TXNDC16: variants seen among roughly 807,000 people sequenced by gnomAD.
TXNDC16 encodes thioredoxin domain-containing protein 16.
In TXNDC16, 74 loss-of-function variants were observed where a neutral mutation model predicts 85.6. That is an observed-to-expected ratio of 0.86 (90% confidence interval 0.72 to 1.05). The LOEUF (loss-of-function observed/expected upper bound fraction) is 1.05. TXNDC16 is among the 50% of genes least tolerant of loss of function. The pLI is 0.00. For missense variants in TXNDC16, 959 were observed against 947.0 expected, an observed-to-expected ratio of 1.01 and a Z score of -0.17; for synonymous variants, 335 against 326.5, an observed-to-expected ratio of 1.03 and a Z score of -0.28.
At chr14:52,455,854 G>T (rs919155854) in intron 17 of TXNDC16, among the ~76,000 whole-genome samples, 2 of 152,222 alleles carry the variant, frequency 1.3e-5, no homozygotes, top group African/African-American at 4.8e-5. Context: ...CACTATACTA[G>T]GTATTTCAAT....
intron 9 of TXNDC16, among the ~76,000 whole-genome samples, chr14:52,500,055 G>C (rs1207743673): frequency 1.3e-5 from 2 of 151,978 alleles, no homozygotes; most frequent in Non-Finnish European, 2.9e-5. Flanking sequence ...TGAGTATATG[G>C]AGGTTCTTCA....
intron 9 of TXNDC16, among the ~76,000 whole-genome samples, chr14:52,505,696 G>A (rs563183142): frequency 6.6e-6 from 1 of 152,248 alleles, no homozygotes; most frequent in Admixed American, 6.5e-5. Context: ...GCTACCAGAA[G>A]GCAAGAAATA....
chr14:52,500,150 A>C (rs1410450464), intron 9 of TXNDC16, among the ~76,000 whole-genome samples: 1 of 152,178 alleles, frequency 6.6e-6, no homozygotes, highest in East Asian at 1.9e-4. Context: ...GATCTCAGAG[A>C]ATACCCATGT....
In TXNDC16 at chr14:52,431,942, G is replaced by A. The variant is rs749002417; in HGVS notation, c.*362C>T. On this transcript the variant is annotated 3_prime_UTR_variant, in exon 21 of 21. Coordinates refer to ENST00000281741, the MANE Select transcript of TXNDC16 (RefSeq NM_020784.3). ...CCAATACAGTAGTCACAGGCCACAT[G>A]TGGCAAGGAACACTTGAAATATGGC... The A allele has an allele frequency of 1.0e-4, 19 of 182,138 alleles. No homozygotes were observed. Among genetic ancestry groups the A allele is most frequent in the Admixed American group, 1.8e-4 (3 of 16,580 alleles). 11.3% of individuals were successfully genotyped at this position (182,138 alleles called of 1,614,324 possible).
intron 4 of TXNDC16, 33 bp from the exon 5 acceptor site, chr14:52,537,705 A>C: frequency 7.8e-7 from 1 of 1,284,350 alleles, no homozygotes; most frequent in South Asian, 1.2e-5. Context: ...TTTAGCATAT[A>C]TATCAAAAGG....
chr14:52,466,789 C>A (rs971113253), intron 16 of TXNDC16, among the ~76,000 whole-genome samples: 2 of 152,082 alleles, frequency 1.3e-5, no homozygotes, highest in Non-Finnish European at 2.9e-5. Context: ...ATGGCGTGAA[C>A]CCGGGAGGCG....
chr14:52,449,721 T>C (rs934327546), intron 18 of TXNDC16, among the ~76,000 whole-genome samples: 2 of 151,972 alleles, frequency 1.3e-5, no homozygotes, highest in African/African-American at 4.8e-5. Flanking sequence ...CTTATAACAT[T>C]TAAACAAAAA....
chr14:52,490,152 G>T (rs1253324555), intron 11 of TXNDC16, among the ~76,000 whole-genome samples: 1 of 151,992 alleles, frequency 6.6e-6, no homozygotes, highest in Non-Finnish European at 1.5e-5. Flanking sequence ...ACAAAAAGCA[G>T]AATATATAGC....
chr14:52,533,562 T>A (rs748980906), intron 6 of TXNDC16, among the ~76,000 whole-genome samples: 18 of 152,130 alleles, frequency 1.2e-4, no homozygotes, highest in African/African-American at 4.1e-4. Context: ...GGTGTTAAAG[T>A]AGTCAATCAG....
intron 16 of TXNDC16, among the ~76,000 whole-genome samples, chr14:52,467,254 T>C (rs2035798898): frequency 6.6e-6 from 1 of 151,776 alleles, no homozygotes; most frequent in Admixed American, 6.6e-5. Flanking sequence ...TGCACTAAAA[T>C]ATCTAAAGGG....
intron 16 of TXNDC16, among the ~76,000 whole-genome samples, chr14:52,466,167 A>ATG (rs914036719): frequency 3.9e-5 from 6 of 151,930 alleles, no homozygotes; most frequent in African/African-American, 1.4e-4. Context: ...TAAAGGTAAT[A>ATG]TGAATCCATA....
intron 18 of TXNDC16, among the ~76,000 whole-genome samples, chr14:52,454,063 G>A (rs550481304): frequency 6.6e-6 from 1 of 152,180 alleles, no homozygotes; most frequent in East Asian, 1.9e-4. Context: ...AACACAAAGG[G>A]TAAACACTTG....
intron 19 of TXNDC16, 142 bp from the exon 20 acceptor site, chr14:52,439,536 G>C (rs1446517445): frequency 1.4e-6 from 1 of 713,698 alleles, no homozygotes; most frequent in Non-Finnish European, 2.2e-6. Flanking sequence ...AAACCAAGAA[G>C]TCTACGACAT....
Position 52,444,341 on chromosome 14 carries a change from A to G in TXNDC16, c.1843-3617T>C, listed in dbSNP as rs192492453. On this transcript the variant is annotated intron_variant, in intron 18 of 20. Coordinates refer to ENST00000281741, the MANE Select transcript of TXNDC16 (RefSeq NM_020784.3). ...CCTAACAGGAAACAGTCTTAAATAT[A>G]TCAATGCTTATGTAGTTAATTATTG... Among the ~76,000 whole-genome samples the G allele has an allele frequency of 2.0e-5, 3 of 152,288 alleles. No homozygotes were observed. In the East Asian group the frequency reaches 5.8e-4, roughly 29 times the overall value.
At chr14:52,544,589 AAAT>A (rs1303589405) in intron 1 of TXNDC16, among the ~76,000 whole-genome samples, 1 of 152,100 alleles carries the variant, frequency 6.6e-6, no homozygotes, top group Non-Finnish European at 1.5e-5. Flanking sequence ...GCAAAGAATA[AAAT>A]AATAAAGAAT....
chr14:52,472,492 G>A (rs932557991), intron 14 of TXNDC16, among the ~76,000 whole-genome samples: 6 of 152,054 alleles, frequency 3.9e-5, no homozygotes, highest in East Asian at 1.9e-4. Flanking sequence ...CACCGCGCCC[G>A]GCCTTAAGTC....
At chr14:52,505,899 C>T (rs1343259549) in intron 9 of TXNDC16, among the ~76,000 whole-genome samples, 32 of 151,962 alleles carry the variant, frequency 2.1e-4, no homozygotes, top group Admixed American at 1.2e-3. Context: ...ATATCACCAC[C>T]GATCCCACAG....
At chr14:52,511,180 T>A in intron 9 of TXNDC16, 60 bp downstream of exon 9, 2 of 1,351,344 alleles carry the variant, frequency 1.5e-6, no homozygotes, top group South Asian at 4.3e-5. Flanking sequence ...ATAAGACACA[T>A]ACCTTTTGCA....
chr14:52,460,589 T>C (rs887625848), intron 16 of TXNDC16, among the ~76,000 whole-genome samples: 2 of 152,218 alleles, frequency 1.3e-5, no homozygotes, highest in African/African-American at 4.8e-5. Context: ...AAAGACTTAA[T>C]TTTGAACTTG....
Sources: gnomAD v4.1 joint callset for allele counts (sites outside exome capture counted in the v4.1 genomes callset) on GRCh38, gnomAD v4.1.1 for gene constraint, MANE v1.5 for transcripts, NCBI Gene and HGNC (gene_info 2026-07-23, HGNC 2026-07-21) for gene names.